NACC2: variants seen among roughly 807,000 people sequenced by gnomAD.
The protein encoded by NACC2 is nucleus accumbens-associated protein 2.
A neutral mutation model predicts 25.1 loss-of-function variants in NACC2; 8 were observed. That is an observed-to-expected ratio of 0.32 (90% confidence interval 0.19 to 0.57). The LOEUF is 0.57. Among genes scored for constraint, NACC2 ranks in the 20% least tolerant of loss-of-function variants. NACC2 has a pLI of 0.89. For missense variants in NACC2, 644 were observed against 650.2 expected (o/e 0.99, Z 0.10); for synonymous variants, 435 against 294.7 (o/e 1.48, Z -4.88).
chr9:136,026,911 A>G (rs1042302556), intron 2 of NACC2, among the ~76,000 whole-genome samples: 2 of 152,238 alleles, frequency 1.3e-5, no homozygotes, highest in African/African-American at 4.8e-5. Context: ...ACGTGAAATG[A>G]AAGTCAAAAC....
intron 1 of NACC2, among the ~76,000 whole-genome samples, chr9:136,058,569 T>C (rs1840962819): frequency 6.6e-6 from 1 of 152,012 alleles, no homozygotes; most frequent in African/African-American, 2.4e-5. Flanking sequence ...AATGACAGAC[T>C]CTAGGAACAA....
At chr9:136,053,830 G>A (rs1018070666) in intron 1 of NACC2, among the ~76,000 whole-genome samples, 39 of 152,312 alleles carry the variant, frequency 2.6e-4, no homozygotes, top group Middle Eastern at 3.4e-3. Flanking sequence ...CCAGCACGGC[G>A]CACCGGTTCC....
chr9:136,051,125 G>A (rs1564231509), intron 1 of NACC2, among the ~76,000 whole-genome samples: 1 of 152,200 alleles, frequency 6.6e-6, no homozygotes, highest in Non-Finnish European at 1.5e-5. Context: ...GCCCCTGCGG[G>A]GAAGGCGGGC....
chr9:136,086,143 T>C lies in NACC2; in HGVS notation c.-60+9046A>G, dbSNP rs962304302. Among the ~76,000 whole-genome samples the C allele has an allele frequency of 3.3e-5, 5 of 152,238 alleles. No homozygotes were observed. The highest frequency in any genetic ancestry group is 6.5e-5 in the Admixed American group (1 of 15,292). ...ACCAAGTCACCCCTGGGGACCCTTGTTGGACATTCTAAAAACCTTCAGAAG... is the reference window on the plus strand; with the variant it reads ...ACCAAGTCACCCCTGGGGACCCTTGCTGGACATTCTAAAAACCTTCAGAAG... On this transcript the variant is annotated intron_variant, in intron 1 of 5. Coordinates refer to ENST00000277554, the MANE Select transcript of NACC2 (RefSeq NM_144653.5). The surrounding 1 kb of genome is among the most constrained non-coding windows in gnomAD (Gnocchi z 5.6).
rs576661957 is a variant in NACC2 at position 136,075,991 on chromosome 9, A to C, written c.-60+19198T>G. Among the ~76,000 whole-genome samples the C allele has an allele frequency of 2.6e-5, 4 of 152,294 alleles. No individual in the cohort carries two copies. The Middle Eastern group carries it at 0.014, about 518-fold the overall frequency. On this transcript the variant is annotated intron_variant, in intron 1 of 5. Coordinates refer to ENST00000277554, the MANE Select transcript of NACC2 (RefSeq NM_144653.5). The stretch of plus-strand genomic sequence containing the variant: ...CTGCTGCATCTGTGACAAAACTCCG[A>C]GACACCCGCTTCTCAAAGCCCTGCA...
chr9:136,048,127 C>G (rs1440024467), intron 2 of NACC2, among the ~76,000 whole-genome samples: 1 of 152,216 alleles, frequency 6.6e-6, no homozygotes, highest in Non-Finnish European at 1.5e-5. Context: ...TGGGGGATGT[C>G]CTCAGGGACT....
chr9:136,041,565 G>T (rs1316542364), intron 2 of NACC2, among the ~76,000 whole-genome samples: 1 of 152,162 alleles, frequency 6.6e-6, no homozygotes, highest in Non-Finnish European at 1.5e-5. Flanking sequence ...AATCTACACA[G>T]AGAGTAGACT....
At chr9:136,077,530 C>T (rs1830275517) in intron 1 of NACC2, among the ~76,000 whole-genome samples, 1 of 152,162 alleles carries the variant, frequency 6.6e-6, no homozygotes, top group African/African-American at 2.4e-5. Flanking sequence ...GTATCTTCAG[C>T]AAAGGGCGTG....
chr9:136,043,361 G>C (rs530325054), intron 2 of NACC2, among the ~76,000 whole-genome samples: 1 of 152,232 alleles, frequency 6.6e-6, no homozygotes, highest in Non-Finnish European at 1.5e-5. Flanking sequence ...CGTGCTCAGC[G>C]TTACTGACCA....
intron 2 of NACC2, among the ~76,000 whole-genome samples, chr9:136,038,448 G>T (rs1354902426): frequency 6.6e-6 from 1 of 152,184 alleles, no homozygotes; most frequent in East Asian, 1.9e-4. Flanking sequence ...GCTGAGATGG[G>T]AAGATGGCTT....
At chr9:136,041,676 G>A (rs1016911198) in intron 2 of NACC2, among the ~76,000 whole-genome samples, 47 of 152,254 alleles carry the variant, frequency 3.1e-4, no homozygotes, top group Middle Eastern at 6.8e-3. Flanking sequence ...AAAATTGATT[G>A]TAGTGATGGC....
Position 136,011,301 on chromosome 9 carries a change from T to A in NACC2, c.*215A>T. ...ATATCAAAAGGGAGCCCTGGGAACT[T>A]CCTCGCAGGAGGCTGCCAGTGGCCT... is the stretch of plus-strand genomic sequence containing the variant. On this transcript the variant is annotated 3_prime_UTR_variant, in exon 6 of 6. Coordinates refer to ENST00000277554, the MANE Select transcript of NACC2 (RefSeq NM_144653.5). 1 of 435,538 alleles carries A rather than the reference T, an allele frequency of 2.3e-6. No individual in the cohort carries two copies. Among genetic ancestry groups the A allele is most frequent in the Non-Finnish European group, 3.7e-6 (1 of 271,388 alleles). The allele number at this position is 435,538 out of a possible 1,614,324, so 27.0% of individuals were successfully genotyped here. A position where few individuals can be genotyped will look rare whatever the true frequency, so the allele number is the denominator to read the frequency against.
At chr9:136,036,584 T>C (rs941986522) in intron 2 of NACC2, among the ~76,000 whole-genome samples, 8 of 152,114 alleles carry the variant, frequency 5.3e-5, no homozygotes, top group Admixed American at 5.2e-4. Context: ...AGCTGACAAC[T>C]GGCTATTATA....
intron 2 of NACC2, among the ~76,000 whole-genome samples, chr9:136,031,580 C>T (rs909411359): frequency 3.3e-5 from 5 of 152,102 alleles, no homozygotes; most frequent in Admixed American, 1.3e-4. Context: ...TCAAGTGATC[C>T]ACCCGCCTCG....
intron 2 of NACC2, among the ~76,000 whole-genome samples, chr9:136,024,526 TGTGTGTGGACA>T (rs1278074146): frequency 7.5e-6 from 1 of 132,868 alleles, no homozygotes. Context: ...TGTGTGTGTG[TGTGTGTGGACA>T]GTGTGTGTGA....
At position 136,086,446 on chromosome 9, in the gene NACC2, C is replaced by T. The variant is rs1176019286; in HGVS notation, c.-60+8743G>A. 1.3e-5 allele frequency among the ~76,000 whole-genome samples: 2 copies of T among 152,146 alleles called. No individual in the cohort carries two copies. The highest frequency in any genetic ancestry group is 2.4e-5 in the African/African-American group (1 of 41,428). ...CCTGGCTCTTGAGGTCCCAGGTCTG[C>T]GAGCGGCTGGGCTTCCCTGAGGTCT... On this transcript the variant is annotated intron_variant, in intron 1 of 5. Coordinates refer to ENST00000277554, the MANE Select transcript of NACC2 (RefSeq NM_144653.5). This position sits in a 1 kb window ranked among gnomAD's most constrained non-coding sequence, Gnocchi z 5.6.
In NACC2 at chr9:136,020,350, G is replaced by A. The variant is rs1454770759; in HGVS notation, c.887-3921C>T. Among the ~76,000 whole-genome samples, 3 of 152,100 alleles carry A rather than the reference G, an allele frequency of 2.0e-5. No individual in the cohort carries two copies. The highest frequency in any genetic ancestry group is 6.5e-5 in the Admixed American group (1 of 15,270). ...AAAACACCCCGAGATCCCTGCCCAC[G>A]GGCCAACACCACGGCAGGATGTCCC... On this transcript the variant is annotated intron_variant, in intron 2 of 5. Coordinates refer to ENST00000277554, the MANE Select transcript of NACC2 (RefSeq NM_144653.5). The surrounding 1 kb of genome is among the most constrained non-coding windows in gnomAD (Gnocchi z 4.7).
At chr9:136,023,315 C>T (rs116419192) in intron 2 of NACC2, among the ~76,000 whole-genome samples, 1,587 of 151,950 alleles carry the variant, frequency 0.01, 32 homozygotes, top group African/African-American at 0.037. Flanking sequence ...CGCGAGGGGC[C>T]GGCATGACCC....
chr9:136,068,499 CAAA>C (rs58780352), intron 1 of NACC2, among the ~76,000 whole-genome samples: 24 of 100,070 alleles, frequency 2.4e-4, no homozygotes, highest in African/African-American at 8.9e-4. Flanking sequence ...AACTCCGTCT[CAAA>C]AAAAAAAAAA....
Sources: gnomAD v4.1 joint callset for allele counts (sites outside exome capture counted in the v4.1 genomes callset) on GRCh38, gnomAD v4.1.1 for gene constraint, Gnocchi (gnomAD v3.1) non-coding constraint, MANE v1.5 for transcripts, NCBI Gene and HGNC (gene_info 2026-07-23, HGNC 2026-07-21) for gene names.